The following SLC5A4 variants were observed in gnomAD, a reference collection of about 807,000 sequenced individuals.
SLC5A4 encodes probable glucose sensor protein SLC5A4.
A neutral mutation model predicts 70.3 loss-of-function variants in SLC5A4; 55 were observed. That is an observed-to-expected ratio of 0.78 (90% CI 0.63 to 0.98). The LOEUF (loss-of-function observed/expected upper bound fraction) is 0.98, where lower values mean the gene tolerates loss of function less well. SLC5A4 is among the 50% of genes least tolerant of loss of function. The pLI is 0.00. For synonymous variants in SLC5A4, 268 were observed against 305.7 expected (o/e 0.88, Z 1.29); for missense variants, 735 against 839.2 (o/e 0.88, Z 1.53).
chr22:32,273,213 T>A, the SLC5A4 span: 1 of 350,306 alleles, frequency 2.9e-6, no homozygotes, highest in Non-Finnish European at 5.6e-6. Flanking sequence ...TCTGATACTA[T>A]GTATCAAGAA....
At chr22:32,323,698 G>A in the SLC5A4 span, among the ~76,000 whole-genome samples, 1 of 152,176 alleles carries the variant, frequency 6.6e-6, no homozygotes, top group African/African-American at 2.4e-5. Flanking sequence ...GCCTCTGCTT[G>A]GTTTCCCCCA....
intron 10 of SLC5A4, among the ~76,000 whole-genome samples, 159 bp from the exon 11 acceptor site, chr22:32,229,503 T>C (rs957189463): frequency 1.4e-4 from 21 of 152,206 alleles, no homozygotes; most frequent in Non-Finnish European, 2.9e-5. Context: ...ATTTTCCTGG[T>C]CACCTGAGAA....
the SLC5A4 span, among the ~76,000 whole-genome samples, chr22:32,279,394 T>C: frequency 2.0e-5 from 3 of 152,230 alleles, no homozygotes; most frequent in South Asian, 2.1e-4. Flanking sequence ...AGAAGTATGC[T>C]GAATAATCGC....
chr22:32,310,896 C>T, the SLC5A4 span, among the ~76,000 whole-genome samples: 8 of 152,316 alleles, frequency 5.3e-5, no homozygotes, highest in South Asian at 1.5e-3. Flanking sequence ...CACAGTGGAG[C>T]CCAGGGCTGG....
At chr22:32,271,439 C>A in the SLC5A4 span, 3 of 766,088 alleles carry the variant, frequency 3.9e-6, no homozygotes, top group East Asian at 2.8e-5. Flanking sequence ...CCTTCCCCCA[C>A]GACTCTCGGC....
the SLC5A4 span, among the ~76,000 whole-genome samples, chr22:32,339,163 A>G: frequency 2.6e-5 from 4 of 152,330 alleles, no homozygotes; most frequent in East Asian, 5.8e-4. Context: ...GCAGGTGTGC[A>G]TTAGAAGGGA....
At chr22:32,234,607 G>A (rs1229251371) in intron 8 of SLC5A4, among the ~76,000 whole-genome samples, 3 of 152,156 alleles carry the variant, frequency 2.0e-5, no homozygotes, top group Non-Finnish European at 4.4e-5. Context: ...GCTGAGGCAG[G>A]AGAATCACCT....
At chr22:32,239,558 A>ATATATATAAATATATATT (rs1926333866) in intron 5 of SLC5A4, among the ~76,000 whole-genome samples, 1 of 24,984 alleles carries the variant, frequency 4.0e-5, no homozygotes, top group Admixed American at 4.3e-4. Flanking sequence ...ATATATATAT[A>ATATATATAAATATATATT]TATATATATA....
At chr22:32,331,657 C>T in the SLC5A4 span, among the ~76,000 whole-genome samples, 1 of 152,092 alleles carries the variant, frequency 6.6e-6, no homozygotes, top group East Asian at 1.9e-4. Flanking sequence ...AGGACAGTGC[C>T]TGCTGTGTTG....
At chr22:32,254,570 C>T (rs1053579054) in intron 1 of SLC5A4, among the ~76,000 whole-genome samples, 7 of 152,168 alleles carry the variant, frequency 4.6e-5, no homozygotes, top group South Asian at 2.1e-4. Flanking sequence ...TTTGGAGGGC[C>T]GAGGCGGGTG....
At chr22:32,224,194 A>G in intron 13 of SLC5A4, 73 bp downstream of exon 13, 2 of 1,163,352 alleles carry the variant, frequency 1.7e-6, no homozygotes, top group South Asian at 1.3e-5. Flanking sequence ...TGCTGGGATT[A>G]CAGGCGTGAG....
chr22:32,333,297 G>C, the SLC5A4 span, among the ~76,000 whole-genome samples: 8 of 152,038 alleles, frequency 5.3e-5, no homozygotes, highest in Non-Finnish European at 1.2e-4. Context: ...AGCAGGCAGA[G>C]GGGTCTTTTA....
chr22:32,246,342 A>G (rs1006227475), intron 5 of SLC5A4, among the ~76,000 whole-genome samples: 1 of 152,176 alleles, frequency 6.6e-6, no homozygotes, highest in Non-Finnish European at 1.5e-5. Context: ...AGCAATAGGA[A>G]AGGTCAGCCT....
the SLC5A4 span, among the ~76,000 whole-genome samples, chr22:32,316,109 A>G: frequency 0.036 from 468 of 13,152 alleles, 4 homozygotes; most frequent in African/African-American, 0.25. Flanking sequence ...ACTCTGTCTG[A>G]AAAAAAAAAA....
chr22:32,330,791 GTTGGGGGCTCTGGTGTGTGTT>G, the SLC5A4 span, among the ~76,000 whole-genome samples: 2 of 127,754 alleles, frequency 1.6e-5, no homozygotes, highest in Admixed American at 7.8e-5. Context: ...TGGTGTGTGT[GTTGGGGGCTCTGGTGTGTGTT>G]TTGGGAGGCT....
intron 3 of SLC5A4, among the ~76,000 whole-genome samples, chr22:32,251,324 A>G (rs1485155550): frequency 6.6e-6 from 1 of 152,060 alleles, no homozygotes; most frequent in Non-Finnish European, 1.5e-5. Context: ...GAGAGGTTAG[A>G]CCATTAAGGG....
At chr22:32,221,274 T>G (rs1018493337) in intron 13 of SLC5A4, among the ~76,000 whole-genome samples, 1 of 152,218 alleles carries the variant, frequency 6.6e-6, no homozygotes, top group Admixed American at 6.5e-5. Flanking sequence ...AATACCTACT[T>G]CTGGATTTGT....
At chr22:32,267,520 C>A in the SLC5A4 span, among the ~76,000 whole-genome samples, 1 of 152,132 alleles carries the variant, frequency 6.6e-6, no homozygotes, top group South Asian at 2.1e-4. Flanking sequence ...CCTCCATCAC[C>A]CAGGCTGGAG....
chr22:32,335,390 T>C, the SLC5A4 span, among the ~76,000 whole-genome samples: 4 of 152,022 alleles, frequency 2.6e-5, no homozygotes, highest in Non-Finnish European at 5.9e-5. Context: ...CTGAGCAACC[T>C]CAAATGAGGG....
Sources: gnomAD v4.1 joint callset for allele counts (sites outside exome capture counted in the v4.1 genomes callset) on GRCh38, gnomAD v4.1.1 for gene constraint, MANE v1.5 for transcripts, NCBI Gene and HGNC (gene_info 2026-07-23, HGNC 2026-07-21) for gene names.